Variants in DRC11 observed in about 807,000 individuals in gnomAD.
DRC11 encodes dynein regulatory complex subunit 11, also known as IQ and AAA domain-containing protein 1.
chr2:236,398,786 A>C, the DRC11 span, among the ~76,000 whole-genome samples: 2 of 152,188 alleles, frequency 1.3e-5, no homozygotes, highest in African/African-American at 4.8e-5. The surrounding 1 kb of genome is among the most constrained non-coding windows in gnomAD (Gnocchi z 6.2). Flanking sequence ...ATCTTAGTTT[A>C]ATAGGAATAA....
the DRC11 span, among the ~76,000 whole-genome samples, chr2:236,476,653 T>A: frequency 7.9e-4 from 120 of 152,344 alleles, 2 homozygotes; most frequent in South Asian, 0.025. This position sits in a 1 kb window ranked among gnomAD's most constrained non-coding sequence, Gnocchi z 4.7. Context: ...TCATGTTTAT[T>A]GATTTGTGTA....
chr2:236,408,439 C>A, the DRC11 span: 1 of 740,820 alleles, frequency 1.3e-6, no homozygotes, highest in Non-Finnish European at 2.5e-6. This position sits in a 1 kb window ranked among gnomAD's most constrained non-coding sequence, Gnocchi z 5.5. Flanking sequence ...CTCATCCTGC[C>A]CAAACACTTG....
the DRC11 span, among the ~76,000 whole-genome samples, chr2:236,506,406 C>T: frequency 6.6e-6 from 1 of 152,210 alleles, no homozygotes; most frequent in African/African-American, 2.4e-5. This position sits in a 1 kb window ranked among gnomAD's most constrained non-coding sequence, Gnocchi z 4.9. Context: ...CCAATGGGCA[C>T]TTCCAACTCA....
chr2:236,469,987 G>A, the DRC11 span, among the ~76,000 whole-genome samples: 44 of 152,224 alleles, frequency 2.9e-4, 1 homozygote, highest in East Asian at 7.7e-3. This position sits in a 1 kb window ranked among gnomAD's most constrained non-coding sequence, Gnocchi z 5.8. Context: ...ACTGGATAAC[G>A]AAACCTACAT....
At chr2:236,495,584 C>A in the DRC11 span, among the ~76,000 whole-genome samples, 454 of 152,254 alleles carry the variant, frequency 3.0e-3, 6 homozygotes, top group African/African-American at 0.011. The surrounding 1 kb of genome is among the most constrained non-coding windows in gnomAD (Gnocchi z 5.6). Flanking sequence ...AAAGGTTCCT[C>A]ACATGGCAGG....
chr2:236,417,347 A>G, the DRC11 span, among the ~76,000 whole-genome samples: 1 of 152,108 alleles, frequency 6.6e-6, no homozygotes, highest in African/African-American at 2.4e-5. Context: ...GGGTTCCCAG[A>G]CACAGTCTGC....
chr2:236,349,378 T>C, the DRC11 span, among the ~76,000 whole-genome samples: 2 of 152,232 alleles, frequency 1.3e-5, no homozygotes, highest in Non-Finnish European at 2.9e-5. The surrounding 1 kb of genome is among the most constrained non-coding windows in gnomAD (Gnocchi z 5.5). Flanking sequence ...AAAGATAATT[T>C]GTAATAACAA....
chr2:236,397,174 C>G, the DRC11 span, among the ~76,000 whole-genome samples: 1 of 152,212 alleles, frequency 6.6e-6, no homozygotes, highest in Non-Finnish European at 1.5e-5. The surrounding 1 kb of genome is among the most constrained non-coding windows in gnomAD (Gnocchi z 5.0). Context: ...TTTCTGTGTT[C>G]TTTTCCTAGT....
At chr2:236,506,980 A>G in the DRC11 span, among the ~76,000 whole-genome samples, 10,237 of 152,236 alleles carry the variant, frequency 0.067, 855 homozygotes, top group African/African-American at 0.19. The surrounding 1 kb of genome is among the most constrained non-coding windows in gnomAD (Gnocchi z 4.9). Context: ...AGGGCTTGGC[A>G]GGTATACGGA....
chr2:236,446,626 G>A, the DRC11 span, among the ~76,000 whole-genome samples: 1 of 152,200 alleles, frequency 6.6e-6, no homozygotes, highest in Non-Finnish European at 1.5e-5. This position sits in a 1 kb window ranked among gnomAD's most constrained non-coding sequence, Gnocchi z 6.2. Context: ...GGACACACAT[G>A]TTCACCAACC....
the DRC11 span, among the ~76,000 whole-genome samples, chr2:236,317,546 T>C: frequency 2.6e-5 from 4 of 152,192 alleles, no homozygotes; most frequent in East Asian, 7.7e-4. The surrounding 1 kb of genome is among the most constrained non-coding windows in gnomAD (Gnocchi z 5.4). Flanking sequence ...AGGACAATAG[T>C]TGCCTTTGCA....
At chr2:236,447,311 C>T in the DRC11 span, among the ~76,000 whole-genome samples, 1 of 151,582 alleles carries the variant, frequency 6.6e-6, no homozygotes, top group Non-Finnish European at 1.5e-5. The surrounding 1 kb of genome is among the most constrained non-coding windows in gnomAD (Gnocchi z 4.6). Flanking sequence ...TAGGAGGGCC[C>T]CATCCAGTAG....
chr2:236,384,030 T>A, the DRC11 span, among the ~76,000 whole-genome samples: 2 of 152,328 alleles, frequency 1.3e-5, no homozygotes, highest in East Asian at 3.9e-4. Context: ...TTCCATGGTG[T>A]ATATGTGCCA....
the DRC11 span, among the ~76,000 whole-genome samples, chr2:236,347,316 G>T: frequency 6.6e-6 from 1 of 152,042 alleles, no homozygotes; most frequent in Admixed American, 6.6e-5. Flanking sequence ...ACGGTGTGGA[G>T]ATTCCTTAAA....
chr2:236,451,822 T>A, the DRC11 span, among the ~76,000 whole-genome samples: 1 of 152,236 alleles, frequency 6.6e-6, no homozygotes, highest in South Asian at 2.1e-4. Flanking sequence ...ATTAGTTAGC[T>A]GTGCGATTTG....
chr2:236,492,777 G>C, the DRC11 span, among the ~76,000 whole-genome samples: 4 of 152,212 alleles, frequency 2.6e-5, no homozygotes, highest in South Asian at 4.1e-4. Context: ...GGCTGCATGG[G>C]GGATGACTGC....
chr2:236,381,145 C>T, the DRC11 span, among the ~76,000 whole-genome samples: 103 of 152,258 alleles, frequency 6.8e-4, no homozygotes, highest in East Asian at 6.8e-3. The surrounding 1 kb of genome is among the most constrained non-coding windows in gnomAD (Gnocchi z 5.8). Context: ...CTTGTTCACC[C>T]GTTCCACCAT....
chr2:236,383,803 A>T, the DRC11 span, among the ~76,000 whole-genome samples: 1 of 151,784 alleles, frequency 6.6e-6, no homozygotes, highest in Non-Finnish European at 1.5e-5. Context: ...TCCCGATGCT[A>T]TCCCTCCCCA....
chr2:236,357,058 TTATA>T, the DRC11 span, among the ~76,000 whole-genome samples: 7,988 of 70,276 alleles, frequency 0.11, 941 homozygotes, highest in Non-Finnish European at 0.15. Context: ...ATATATCTAT[TTATA>T]TATTCATATA....
Sources: gnomAD v4.1 joint callset for allele counts (sites outside exome capture counted in the v4.1 genomes callset) on GRCh38, gnomAD v4.1.1 for gene constraint, Gnocchi (gnomAD v3.1) non-coding constraint, MANE v1.5 for transcripts, NCBI Gene and HGNC (gene_info 2026-07-23, HGNC 2026-07-21) for gene names.